Variants in UVRAG observed in about 807,000 individuals in gnomAD.
UVRAG encodes the protein UV radiation resistance associated, also known as UV radiation resistance-associated gene protein.
A neutral mutation model predicts 78.0 loss-of-function variants in UVRAG; 19 were observed. The observed-to-expected ratio is 0.24, with a 90% confidence interval of 0.17 to 0.36. UVRAG has a LOEUF of 0.36. Ranked by LOEUF, UVRAG falls within the 10% of genes least tolerant of loss-of-function variation. UVRAG has a pLI of 1.00. For synonymous variants in UVRAG, 323 were observed against 324.6 expected (o/e 1.00, Z 0.05); for missense variants, 740 against 853.8 (o/e 0.87, Z 1.66).
Position 75,852,008 on chromosome 11 carries a change from G to T in UVRAG, c.235+8G>T, listed in dbSNP as rs764140813. On this transcript the variant is annotated splice_region_variant and intron_variant, in intron 2 of 14. Coordinates refer to ENST00000356136, the MANE Select transcript of UVRAG (RefSeq NM_003369.4). ...CTGAAAAGATATATAAAGGTAAGGGGATCTGTGGCCTTACTACCCACAGAT... is the reference window on the plus strand; with the variant it reads ...CTGAAAAGATATATAAAGGTAAGGGTATCTGTGGCCTTACTACCCACAGAT... 1 of 1,546,486 alleles carries T rather than the reference G, an allele frequency of 6.5e-7. No homozygotes were observed.
At chr11:76,049,321 T>A (rs539793898) in intron 12 of UVRAG, among the ~76,000 whole-genome samples, 77 of 152,334 alleles carry the variant, frequency 5.1e-4, no homozygotes, top group African/African-American at 1.7e-3. Context: ...TATAATATTG[T>A]TAATAGGACT....
At chr11:76,076,403 AG>A (rs1951404789) in intron 13 of UVRAG, among the ~76,000 whole-genome samples, 1 of 152,342 alleles carries the variant, frequency 6.6e-6, no homozygotes, top group African/African-American at 2.4e-5. Flanking sequence ...GGGCGTGTGC[AG>A]GGGAACTCCC....
At chr11:75,823,193 T>C (rs1945438180) in intron 1 of UVRAG, among the ~76,000 whole-genome samples, 1 of 152,162 alleles carries the variant, frequency 6.6e-6, no homozygotes, top group South Asian at 2.1e-4. Context: ...AAGTATATAT[T>C]TATTATTGTA....
At chr11:75,829,766 G>C (rs1003732017) in intron 1 of UVRAG, among the ~76,000 whole-genome samples, 1 of 152,208 alleles carries the variant, frequency 6.6e-6, no homozygotes, top group Non-Finnish European at 1.5e-5. Flanking sequence ...AAACAACTGA[G>C]TGTGGTTGTA....
At chr11:76,009,583 A>G (rs1364750841) in intron 11 of UVRAG, among the ~76,000 whole-genome samples, 1 of 152,142 alleles carries the variant, frequency 6.6e-6, no homozygotes, top group Non-Finnish European at 1.5e-5. Context: ...CGTTTTATCT[A>G]CTTGAGAAGT....
intron 6 of UVRAG, among the ~76,000 whole-genome samples, chr11:75,945,612 G>A (rs1247573612): frequency 5.9e-5 from 9 of 151,890 alleles, no homozygotes; most frequent in Admixed American, 5.9e-4. Context: ...TCGTGGTCAG[G>A]CCTCCAAATG....
chr11:76,082,009 T>C lies in UVRAG; in HGVS notation c.1305+16221T>C, dbSNP rs1951504189. Among the ~76,000 whole-genome samples, 4 of 148,912 alleles carry C rather than the reference T, an allele frequency of 2.7e-5. No individual in the cohort carries two copies. The South Asian group carries it at 8.4e-4, about 31-fold the overall frequency. On this transcript the variant is annotated intron_variant, in intron 13 of 14. Coordinates refer to ENST00000356136, the MANE Select transcript of UVRAG (RefSeq NM_003369.4). ...TTCAAAACCAAGCAAGATTAAACGA[T>C]ATTATTTAGGAATGAAAACTATACA... is the stretch of plus-strand genomic sequence containing the variant.
chr11:76,065,417 G>T (rs1408440767), intron 12 of UVRAG, among the ~76,000 whole-genome samples: 1 of 152,204 alleles, frequency 6.6e-6, no homozygotes, highest in Non-Finnish European at 1.5e-5. Context: ...GCAAGTTTAT[G>T]ATATGTAAAT....
intron 6 of UVRAG, among the ~76,000 whole-genome samples, chr11:75,915,535 G>T (rs1376205079): frequency 6.6e-6 from 1 of 152,088 alleles, no homozygotes; most frequent in East Asian, 1.9e-4. Flanking sequence ...TCATATTTTA[G>T]GGTGCTCACC....
chr11:76,008,129 C>A (rs573880430), intron 10 of UVRAG, among the ~76,000 whole-genome samples: 1 of 152,216 alleles, frequency 6.6e-6, no homozygotes, highest in South Asian at 2.1e-4. Context: ...CCAGGATGGT[C>A]TCGATCTCCT....
chr11:75,851,307 T>C (rs1946148655), intron 1 of UVRAG, among the ~76,000 whole-genome samples: 1 of 152,228 alleles, frequency 6.6e-6, no homozygotes, highest in Non-Finnish European at 1.5e-5. Flanking sequence ...GATTATGAAA[T>C]TGAGACTGGT....
chr11:76,093,452 A>G (rs948783815), intron 13 of UVRAG, among the ~76,000 whole-genome samples: 1 of 152,154 alleles, frequency 6.6e-6, no homozygotes, highest in African/African-American at 2.4e-5. Flanking sequence ...CTTGGGCAGT[A>G]TGGCCATTTT....
rs1948946649 is a variant in UVRAG, at chr11:75,963,383, A to G, written c.699+1834A>G. Among the ~76,000 whole-genome samples the G allele has an allele frequency of 2.0e-5, 3 of 152,360 alleles. No homozygotes were observed. The South Asian group carries it at 6.2e-4, about 32-fold the overall frequency. On this transcript the variant is annotated intron_variant, in intron 7 of 14. Coordinates refer to ENST00000356136, the MANE Select transcript of UVRAG (RefSeq NM_003369.4). ...GAAACAGCTTTCCCACAATCATTTG[A>G]CAATAGAGATGGATAATTTGGTTTA... is the stretch of plus-strand genomic sequence containing the variant.
intron 6 of UVRAG, among the ~76,000 whole-genome samples, chr11:75,920,124 C>G (rs937561067): frequency 7.6e-6 from 1 of 131,852 alleles, no homozygotes; most frequent in Non-Finnish European, 1.6e-5. Context: ...CTCTCCAGTT[C>G]AAGCGATTCT....
rs145533097 is a variant in UVRAG, at chr11:76,076,334, G to A, written c.1305+10546G>A. On this transcript the variant is annotated intron_variant, in intron 13 of 14. Coordinates refer to ENST00000356136, the MANE Select transcript of UVRAG (RefSeq NM_003369.4). Reference sequence around the variant, plus strand: ...ATCCACATGACTAGGGAGGCCTCACGATCATGGTAGAAGGCAAAGTAGAAG... The same window carrying A: ...ATCCACATGACTAGGGAGGCCTCACAATCATGGTAGAAGGCAAAGTAGAAG... 7.1e-3 allele frequency among the ~76,000 whole-genome samples: 1,075 copies of A among 152,296 alleles called. 17 individuals carry two copies. The highest frequency in any genetic ancestry group is 0.025 in the African/African-American group (1,027 of 41,572).
At chr11:76,010,570 CA>C (rs1351947545) in intron 11 of UVRAG, among the ~76,000 whole-genome samples, 1 of 152,064 alleles carries the variant, frequency 6.6e-6, no homozygotes, top group East Asian at 1.9e-4. Context: ...TGGCATCTCT[CA>C]AAAAACTCAG....
intron 12 of UVRAG, among the ~76,000 whole-genome samples, chr11:76,056,536 T>A (rs1250030536): frequency 6.6e-6 from 1 of 152,226 alleles, no homozygotes; most frequent in Non-Finnish European, 1.5e-5. Context: ...CTCTCCTTCT[T>A]TATTTTTCCT....
intron 12 of UVRAG, among the ~76,000 whole-genome samples, chr11:76,060,519 G>A (rs946018190): frequency 2.6e-5 from 4 of 152,246 alleles, no homozygotes; most frequent in African/African-American, 9.6e-5. Context: ...TTCTGGGCTG[G>A]CCAAGGCCGG....
At chr11:75,951,365 A>ATTTT (rs200501949) in intron 6 of UVRAG, among the ~76,000 whole-genome samples, 139 of 141,558 alleles carry the variant, frequency 9.8e-4, no homozygotes, top group African/African-American at 3.8e-3. Context: ...GTGTGTATAT[A>ATTTT]TTTTTTGTTT....
Sources: gnomAD v4.1 joint callset for allele counts (sites outside exome capture counted in the v4.1 genomes callset) on GRCh38, gnomAD v4.1.1 for gene constraint, MANE v1.5 for transcripts, NCBI Gene and HGNC (gene_info 2026-07-23, HGNC 2026-07-21) for gene names.